ZNF676: variants seen among roughly 807,000 people sequenced by gnomAD.
ZNF676 encodes the protein zinc finger protein 676.
A neutral mutation model predicts 6.0 loss-of-function variants in ZNF676; 4 were observed. That is an observed-to-expected ratio of 0.67 (90% CI 0.33 to 1.53). The LOEUF is 1.53. Among genes scored for constraint, ZNF676 ranks in the 40% most tolerant of loss-of-function variants. The pLI is 0.06. For synonymous variants in ZNF676, 198 were observed against 223.1 expected (o/e 0.89, Z 1.00); for missense variants, 644 against 679.7 (o/e 0.95, Z 0.58).
In ZNF676 at chr19:22,196,807, G is replaced by A. The variant is rs2023972189; in HGVS notation, c.-174C>T. 2.4e-6 allele frequency: 3 copies of A among 1,248,614 alleles called. No individual in the cohort carries two copies. Among genetic ancestry groups the A allele is most frequent in the South Asian group, 2.7e-5 (2 of 74,698 alleles). The allele number at this position is 1,248,614 out of a possible 1,614,324, so 77.3% of individuals were successfully genotyped here. Reference sequence around the variant, plus strand: ...AATGTGACTCAAGGTAAAATGGAGAGAGTAGAGAGAGCTGGTTCTGACTTA... The same window carrying A: ...AATGTGACTCAAGGTAAAATGGAGAAAGTAGAGAGAGCTGGTTCTGACTTA... On this transcript the variant is annotated 5_prime_UTR_variant, in exon 1 of 3. Coordinates refer to ENST00000397121, the MANE Select transcript of ZNF676 (RefSeq NM_001001411.3).
chr19:22,259,098 C>T, the ZNF676 span, among the ~76,000 whole-genome samples: 3 of 152,134 alleles, frequency 2.0e-5, no homozygotes, highest in Non-Finnish European at 4.4e-5. Context: ...GACCTGTACC[C>T]ATACGGATTC....
At chr19:22,186,458 G>A (rs1380842540) in intron 2 of ZNF676, among the ~76,000 whole-genome samples, 3 of 152,152 alleles carry the variant, frequency 2.0e-5, no homozygotes, top group Non-Finnish European at 4.4e-5. Context: ...TCGACACTAT[G>A]AAGAAACTGC....
chr19:22,195,445 T>C (rs2023957279), intron 1 of ZNF676, among the ~76,000 whole-genome samples: 1 of 152,236 alleles, frequency 6.6e-6, no homozygotes, highest in Non-Finnish European at 1.5e-5. Context: ...AACTTACTTA[T>C]CGTGTCCGCA....
At chr19:22,217,692 CTGTT>C (rs112661841), upstream of ZNF676, among the ~76,000 whole-genome samples, 62,607 of 147,386 alleles carry the variant, frequency 0.42, 14,258 homozygotes, top group African/African-American at 0.6. Flanking sequence ...ATGGTCTTTT[CTGTT>C]TGTTTGTTTG....
the ZNF676 span, among the ~76,000 whole-genome samples, chr19:22,248,072 G>A: frequency 1.4e-4 from 4 of 29,574 alleles, no homozygotes; most frequent in East Asian, 2.6e-3. Flanking sequence ...CAAAGGAAAC[G>A]AACTCATCAT....
At chr19:22,259,539 T>C in the ZNF676 span, among the ~76,000 whole-genome samples, 1 of 152,280 alleles carries the variant, frequency 6.6e-6, no homozygotes, top group Non-Finnish European at 1.5e-5. Context: ...GCTGGACCCA[T>C]GGGTAAATGA....
chr19:22,209,618 G>C (rs281174), intron 1 of ZNF676, among the ~76,000 whole-genome samples: 67,832 of 151,794 alleles, frequency 0.45, 16,294 homozygotes, highest in African/African-American at 0.63. Flanking sequence ...GTATAACAAA[G>C]CTGCACATGT....
At chr19:22,232,382 G>T in the ZNF676 span, among the ~76,000 whole-genome samples, 1 of 151,950 alleles carries the variant, frequency 6.6e-6, no homozygotes, top group African/African-American at 2.4e-5. Context: ...TGGCCAGGAT[G>T]GTCTTGATCT....
chr19:22,253,853 G>GT, the ZNF676 span, among the ~76,000 whole-genome samples: 1 of 152,096 alleles, frequency 6.6e-6, no homozygotes, highest in Non-Finnish European at 1.5e-5. Context: ...AGTGTGCCCT[G>GT]TAATGACACT....
rs574197271 is a variant in ZNF676 at position 22,188,437 on chromosome 19, T to G, written c.130+4579A>C. 5.3e-5 allele frequency among the ~76,000 whole-genome samples: 8 copies of G among 152,280 alleles called. 1 individual carries two copies. In the South Asian group the frequency reaches 1.4e-3, roughly 28 times the overall value. On this transcript the variant is annotated intron_variant, in intron 2 of 2. Transcript: ENST00000397121. ...ATGGGCAAAACTGTAAGCATTCCCT[T>G]TGAAAACTGGCACAAGACAAGGATG...
At chr19:22,190,139 A>C (rs1031741538) in intron 2 of ZNF676, among the ~76,000 whole-genome samples, 3 of 152,156 alleles carry the variant, frequency 2.0e-5, no homozygotes, top group African/African-American at 7.2e-5. Context: ...CATCAGTAAT[A>C]TACTGGATAA....
intron 2 of ZNF676, among the ~76,000 whole-genome samples, chr19:22,191,788 A>G (rs1471727523): frequency 2.0e-5 from 3 of 152,182 alleles, no homozygotes; most frequent in Middle Eastern, 6.8e-3. Flanking sequence ...CCAAGCTACA[A>G]CCCCACTCTA....
At chr19:22,234,988 GA>G in the ZNF676 span, among the ~76,000 whole-genome samples, 1 of 101,046 alleles carries the variant, frequency 9.9e-6, no homozygotes, top group African/African-American at 4.1e-5. Context: ...AAGAAAGAAA[GA>G]AAGAAAGAAA....
chr19:22,229,572 G>A, the ZNF676 span, among the ~76,000 whole-genome samples: 1 of 152,092 alleles, frequency 6.6e-6, no homozygotes, highest in East Asian at 1.9e-4. Context: ...GGCAACCTAT[G>A]GAATGGGAGA....
chr19:22,183,116 C>T (rs190880286), intron 2 of ZNF676, among the ~76,000 whole-genome samples: 1 of 150,628 alleles, frequency 6.6e-6, no homozygotes, highest in East Asian at 1.9e-4. Context: ...AGATACCACA[C>T]AAAAAAATCT....
upstream of ZNF676, among the ~76,000 whole-genome samples, chr19:22,201,430 G>A (rs143576450): frequency 7.8e-3 from 1,185 of 152,236 alleles, 24 homozygotes; most frequent in African/African-American, 0.026. Context: ...CCAAAGTCTG[G>A]CTTTGCCTTG....
intron 2 of ZNF676, among the ~76,000 whole-genome samples, chr19:22,187,497 T>A (rs901685710): frequency 6.6e-6 from 1 of 150,596 alleles, no homozygotes; most frequent in Non-Finnish European, 1.5e-5. Context: ...CCTAGCAGAA[T>A]ACAAGAAATA....
upstream of ZNF676, among the ~76,000 whole-genome samples, chr19:22,197,713 C>T (rs2023982433): frequency 6.6e-6 from 1 of 152,100 alleles, no homozygotes; most frequent in Admixed American, 6.6e-5. Flanking sequence ...GGTTTATTCA[C>T]ATCAGCTGCA....
chr19:22,201,303 T>C (rs1265448654), upstream of ZNF676, among the ~76,000 whole-genome samples: 1 of 152,146 alleles, frequency 6.6e-6, no homozygotes, highest in Non-Finnish European at 1.5e-5. Context: ...CTGGGGCAGG[T>C]TAATGAAGAT....
Sources: gnomAD v4.1 joint callset for allele counts (sites outside exome capture counted in the v4.1 genomes callset) on GRCh38, gnomAD v4.1.1 for gene constraint, MANE v1.5 for transcripts, NCBI Gene and HGNC (gene_info 2026-07-23, HGNC 2026-07-21) for gene names.